Variants in KCNK2 observed in about 807,000 individuals in gnomAD.
KCNK2 encodes the protein potassium two pore domain channel subfamily K member 2.
KCNK2 carries 21 observed loss-of-function variants against 40.5 expected under a neutral mutation model. The observed-to-expected ratio is 0.52, with a 90% CI of 0.37 to 0.75. The LOEUF (loss-of-function observed/expected upper bound fraction) is 0.75, where lower values mean the gene tolerates loss of function less well. KCNK2 is among the 30% of genes least tolerant of loss of function. KCNK2 has a pLI of 0.00. For synonymous variants in KCNK2, 191 were observed against 202.2 expected (o/e 0.94, Z 0.47); for missense variants, 399 against 531.6 (o/e 0.75, Z 2.45).
At chr1:215,220,948 C>G (rs1343845901) in intron 6 of KCNK2, among the ~76,000 whole-genome samples, 1 of 152,222 alleles carries the variant, frequency 6.6e-6, no homozygotes, top group Non-Finnish European at 1.5e-5. Flanking sequence ...GGTCATCAGA[C>G]AGTGGTACTT....
At chr1:215,190,051 T>A (rs1057390588) in intron 5 of KCNK2, among the ~76,000 whole-genome samples, 5 of 152,258 alleles carry the variant, frequency 3.3e-5, no homozygotes, top group Non-Finnish European at 4.4e-5. Flanking sequence ...TGTATGGAAC[T>A]GATAACCTTA....
intron 1 of KCNK2, among the ~76,000 whole-genome samples, chr1:215,012,658 T>G (rs565327062): frequency 6.6e-6 from 1 of 150,884 alleles, no homozygotes; most frequent in East Asian, 1.9e-4. Context: ...TTTTTTTTTT[T>G]TTTTTTCTGT....
intron 1 of KCNK2, among the ~76,000 whole-genome samples, chr1:215,007,173 G>GTATATGTATATGTATATGTA (rs1451275644): frequency 1.3e-5 from 1 of 76,846 alleles, no homozygotes; most frequent in South Asian, 4.1e-4. Flanking sequence ...ATATATATAT[G>GTATATGTATATGTATATGTA]TATGTGTGTG....
At chr1:215,198,330 A>G (rs1042452286) in intron 6 of KCNK2, among the ~76,000 whole-genome samples, 1 of 152,174 alleles carries the variant, frequency 6.6e-6, no homozygotes, top group African/African-American at 2.4e-5. Flanking sequence ...GGAGCTTTCA[A>G]TTGGAGTAGA....
At chr1:215,111,877 TG>T (rs1660699563) in intron 2 of KCNK2, among the ~76,000 whole-genome samples, 2 of 141,144 alleles carry the variant, frequency 1.4e-5, no homozygotes, top group South Asian at 4.3e-4. Flanking sequence ...TGGATTCATG[TG>T]GGGAAATACC....
chr1:215,030,408 A>G (rs1657144018), intron 1 of KCNK2, among the ~76,000 whole-genome samples: 1 of 151,942 alleles, frequency 6.6e-6, no homozygotes, highest in Admixed American at 6.6e-5. Flanking sequence ...AATTTAATAA[A>G]CTTTATTGTT....
At chr1:215,080,415 G>A (rs900528395), upstream of KCNK2, among the ~76,000 whole-genome samples, 1 of 152,182 alleles carries the variant, frequency 6.6e-6, no homozygotes, top group Non-Finnish European at 1.5e-5. Context: ...GAGCCTATGA[G>A]ACAGGGTAGA....
intron 1 of KCNK2, among the ~76,000 whole-genome samples, chr1:215,020,001 A>G (rs1429677219): frequency 2.0e-5 from 3 of 152,208 alleles, no homozygotes; most frequent in Non-Finnish European, 4.4e-5. Flanking sequence ...AATAAACAAG[A>G]TAATTTATTT....
At chr1:215,055,644 A>G (rs1386148675) in intron 1 of KCNK2, among the ~76,000 whole-genome samples, 1 of 152,196 alleles carries the variant, frequency 6.6e-6, no homozygotes, top group South Asian at 2.1e-4. Flanking sequence ...AAAGTTTTCT[A>G]GTCTTTCTTC....
chr1:215,027,144 T>TC lies in KCNK2; in HGVS notation c.34+21190dup, dbSNP rs551871913. ...TTCTTATCAATGCCAGTAGTTTTTT[T>TC]CTCTTTGTAAATCTCTTGGATTTTT... On this transcript the variant is annotated intron_variant, in intron 1 of 6. Coordinates refer to the KCNK2 transcript ENST00000391895. Among the ~76,000 whole-genome samples the TC allele has an allele frequency of 2.4e-4, 36 of 152,242 alleles. No individual in the cohort carries two copies. The East Asian group carries it at 6.2e-3, about 26-fold the overall frequency.
intron 6 of KCNK2, among the ~76,000 whole-genome samples, chr1:215,232,400 G>A (rs183692689): frequency 3.3e-5 from 5 of 152,280 alleles, no homozygotes; most frequent in Admixed American, 3.3e-4. Context: ...AGATGGAAGA[G>A]GCAGAAAGTA....
chr1:215,151,866 A>T (rs1479007486), intron 3 of KCNK2, among the ~76,000 whole-genome samples: 1 of 152,112 alleles, frequency 6.6e-6, no homozygotes, highest in African/African-American at 2.4e-5. Flanking sequence ...AACCATGCTT[A>T]CCTTACTTAT....
chr1:215,143,813 G>A (rs1216608641), intron 3 of KCNK2, among the ~76,000 whole-genome samples: 2 of 152,032 alleles, frequency 1.3e-5, no homozygotes, highest in African/African-American at 4.8e-5. Context: ...ATATATGTTC[G>A]CCTTTCCTCC....
At chr1:215,122,740 C>CTTTTTT (rs564207038) in intron 2 of KCNK2, among the ~76,000 whole-genome samples, 13 of 120,362 alleles carry the variant, frequency 1.1e-4, no homozygotes, top group East Asian at 2.4e-4. Context: ...CATTCATAAT[C>CTTTTTT]TTTTTTTTTT....
At chr1:215,198,770 C>T (rs772990938) in intron 6 of KCNK2, among the ~76,000 whole-genome samples, 17 of 152,022 alleles carry the variant, frequency 1.1e-4, no homozygotes, top group Non-Finnish European at 4.4e-5. Context: ...TTTTTGATAA[C>T]TGGGAATCTT....
intron 3 of KCNK2, among the ~76,000 whole-genome samples, chr1:215,131,062 G>T (rs144479275): frequency 1.0e-4 from 15 of 150,442 alleles, no homozygotes; most frequent in Admixed American, 2.0e-4. Context: ...GGGTTTCACC[G>T]TGTTAGCCAA....
chr1:215,022,714 A>C (rs1439017070), intron 1 of KCNK2, among the ~76,000 whole-genome samples: 1 of 152,160 alleles, frequency 6.6e-6, no homozygotes, highest in African/African-American at 2.4e-5. Context: ...TGGGGAAGGT[A>C]CATGGCCCTT....
intron 6 of KCNK2, among the ~76,000 whole-genome samples, chr1:215,210,919 C>T (rs1665718138): frequency 1.3e-5 from 2 of 152,098 alleles, no homozygotes; most frequent in African/African-American, 4.8e-5. Context: ...GAAAATGTAT[C>T]CAGAATCCAA....
intron 2 of KCNK2, among the ~76,000 whole-genome samples, chr1:215,087,882 C>T (rs147393362): frequency 1.6e-3 from 242 of 152,260 alleles, no homozygotes; most frequent in Non-Finnish European, 2.5e-3. Context: ...TATGCATACA[C>T]GTTCTTATTC....
Sources: gnomAD v4.1 joint callset for allele counts (sites outside exome capture counted in the v4.1 genomes callset) on GRCh38, gnomAD v4.1.1 for gene constraint, MANE v1.5 for transcripts, NCBI Gene and HGNC (gene_info 2026-07-23, HGNC 2026-07-21) for gene names.